Variants in ST8SIA5 observed in about 807,000 individuals in gnomAD.
ST8SIA5 encodes the protein alpha-2,8-sialyltransferase 8E.
Under a neutral mutation model 40.2 loss-of-function variants are expected in ST8SIA5, and 24 were observed. That is an observed-to-expected ratio of 0.60 (90% CI 0.43 to 0.84). The LOEUF (loss-of-function observed/expected upper bound fraction) is 0.84, where lower values mean the gene tolerates loss of function less well. Among genes scored for constraint, ST8SIA5 ranks in the 40% least tolerant of loss-of-function variants. The pLI is 0.00. For missense variants in ST8SIA5, 465 were observed against 498.5 expected (o/e 0.93, Z 0.64); for synonymous variants, 198 against 201.8 (o/e 0.98, Z 0.16).
chr18:46,694,765 C>A (rs1355382394), intron 2 of ST8SIA5, among the ~76,000 whole-genome samples: 1 of 152,004 alleles, frequency 6.6e-6, no homozygotes, highest in African/African-American at 2.4e-5. Context: ...AAATCCATGT[C>A]TATCCACCCA....
chr18:46,714,726 G>A (rs1016874811), intron 1 of ST8SIA5, among the ~76,000 whole-genome samples: 6 of 152,172 alleles, frequency 3.9e-5, no homozygotes, highest in South Asian at 2.1e-4. Context: ...GAGCCCTATG[G>A]GGACCTGTGA....
chr18:46,703,956 G>GT (rs2039643754), intron 2 of ST8SIA5, among the ~76,000 whole-genome samples: 2 of 152,156 alleles, frequency 1.3e-5, no homozygotes, highest in Non-Finnish European at 2.9e-5. Flanking sequence ...TAAGTGGGGA[G>GT]TGGGGAGCAC....
At chr18:46,707,728 T>G (rs1345617108) in intron 1 of ST8SIA5, among the ~76,000 whole-genome samples, 2 of 152,200 alleles carry the variant, frequency 1.3e-5, no homozygotes, top group African/African-American at 2.4e-5. Context: ...GTGGGGCCAC[T>G]GGGAGGTACT....
chr18:46,694,641 A>T (rs982923679), intron 2 of ST8SIA5, among the ~76,000 whole-genome samples: 2 of 152,072 alleles, frequency 1.3e-5, no homozygotes, highest in Non-Finnish European at 2.9e-5. Context: ...TGGGAAAGTG[A>T]CCAGCCTTCA....
At chr18:46,742,957 A>G (rs959439711) in intron 1 of ST8SIA5, among the ~76,000 whole-genome samples, 3 of 152,222 alleles carry the variant, frequency 2.0e-5, no homozygotes, top group African/African-American at 7.2e-5. Context: ...AGGAAACTCC[A>G]ATAGACCTGC....
intron 1 of ST8SIA5, among the ~76,000 whole-genome samples, chr18:46,708,199 A>G (rs939859722): frequency 6.6e-6 from 1 of 152,162 alleles, no homozygotes; most frequent in African/African-American, 2.4e-5. Context: ...AGTCCCAGGG[A>G]GTCAGAGACA....
chr18:46,718,970 G>C (rs926133837), intron 1 of ST8SIA5, among the ~76,000 whole-genome samples: 4 of 152,058 alleles, frequency 2.6e-5, no homozygotes, highest in Non-Finnish European at 4.4e-5. Context: ...CACACGCCAG[G>C]GTAAAAACTC....
chr18:46,719,682 T>TTTTCTTTCTTTCTTTCTTTCTTTCTTTC (rs56825204), intron 1 of ST8SIA5, among the ~76,000 whole-genome samples: 15,878 of 106,978 alleles, frequency 0.15, 2,174 homozygotes, highest in East Asian at 0.25. Flanking sequence ...TTCTTTTCTT[T>TTTTCTTTCTTTCTTTCTTTCTTTCTTTC]TTTCTTTCTT....
chr18:46,729,072 C>G (rs1032741597), intron 1 of ST8SIA5, among the ~76,000 whole-genome samples: 1 of 152,176 alleles, frequency 6.6e-6, no homozygotes, highest in South Asian at 2.1e-4. Context: ...CCCCACCTGC[C>G]TCAATGTCCC....
chr18:46,703,699 T>G (rs1040323837), intron 2 of ST8SIA5, among the ~76,000 whole-genome samples: 5 of 152,164 alleles, frequency 3.3e-5, no homozygotes, highest in Admixed American at 3.3e-4. Flanking sequence ...GATGAGTCCA[T>G]CTGAGCACCC....
chr18:46,694,115 C>A (rs968835048), intron 2 of ST8SIA5, among the ~76,000 whole-genome samples: 2 of 152,216 alleles, frequency 1.3e-5, no homozygotes. Context: ...GGAAGCTCCT[C>A]AAGCCAGGCC....
chr18:46,729,820 G>A (rs2039969066), intron 1 of ST8SIA5, among the ~76,000 whole-genome samples: 1 of 151,752 alleles, frequency 6.6e-6, no homozygotes, highest in South Asian at 2.1e-4. Flanking sequence ...TGACAGTCCG[G>A]TTTTAACTGT....
chr18:46,681,748 T>C (rs1336910565), intron 6 of ST8SIA5, among the ~76,000 whole-genome samples: 1 of 152,256 alleles, frequency 6.6e-6, no homozygotes, highest in East Asian at 1.9e-4. Context: ...TATATTTTCT[T>C]TAACCCACTA....
intron 1 of ST8SIA5, among the ~76,000 whole-genome samples, chr18:46,719,064 C>T (rs1046853181): frequency 3.3e-5 from 5 of 152,120 alleles, no homozygotes; most frequent in South Asian, 2.1e-4. Flanking sequence ...GGGGGTACTT[C>T]GGGGTCAACT....
At position 46,679,989 on chromosome 18, in the gene ST8SIA5, G is replaced by A. The variant is rs2039370310; in HGVS notation, c.*53C>T. On this transcript the variant is annotated 3_prime_UTR_variant, in exon 7 of 7. Coordinates refer to ENST00000315087, the MANE Select transcript of ST8SIA5 (RefSeq NM_013305.6). Reference sequence around the variant, plus strand: ...GGTTCGGGGCTCCCAGTTCCACCAGGAGGGACAGCAGGAGAGGGGGCGCCG... The same window carrying A: ...GGTTCGGGGCTCCCAGTTCCACCAGAAGGGACAGCAGGAGAGGGGGCGCCG... 7.8e-6 allele frequency: 12 copies of A among 1,538,240 alleles called. No individual in the cohort carries two copies. Among genetic ancestry groups the A allele is most frequent in the Non-Finnish European group, 1.1e-5 (12 of 1,138,580 alleles).
In ST8SIA5 at chr18:46,679,861, A is replaced by T. The variant is rs936693894; in HGVS notation, c.*181T>A. 8 of 660,438 alleles carry T rather than the reference A, an allele frequency of 1.2e-5. No homozygotes were observed. Among genetic ancestry groups the T allele is most frequent in the Non-Finnish European group, 1.5e-5 (6 of 393,448 alleles). 40.9% of individuals were successfully genotyped at this position (660,438 alleles called of 1,614,324 possible). On this transcript the variant is annotated 3_prime_UTR_variant, in exon 7 of 7. Transcript: ENST00000315087. Reference sequence around the variant, plus strand: ...GGCCAGGAGGCTCAGCACAGAGCTGACTCTGCCCCGGTTCCTAACCCTGCC... The same window carrying T: ...GGCCAGGAGGCTCAGCACAGAGCTGTCTCTGCCCCGGTTCCTAACCCTGCC...
chr18:46,708,787 G>A (rs758727420), intron 1 of ST8SIA5, among the ~76,000 whole-genome samples: 1 of 152,166 alleles, frequency 6.6e-6, no homozygotes, highest in Non-Finnish European at 1.5e-5. Flanking sequence ...TGATCTGGGT[G>A]CTTCTTCCCA....
Position 46,749,863 on chromosome 18 carries a change from G to A in ST8SIA5, c.131+6515C>T, listed in dbSNP as rs571821100. On this transcript the variant is annotated intron_variant, in intron 1 of 6. Transcript: ENST00000315087. ...GGGGATGATTAGGTCAGAGAGTGGA[G>A]CAGTCACAAATGGGATTGGTGCCCA... 2.9e-3 allele frequency among the ~76,000 whole-genome samples: 436 copies of A among 152,260 alleles called. 3 individuals are homozygous for A. The highest frequency in any genetic ancestry group is 4.2e-3 in the Non-Finnish European group (285 of 68,008).
intron 4 of ST8SIA5, among the ~76,000 whole-genome samples, chr18:46,687,592 A>G (rs2039460390): frequency 6.6e-6 from 1 of 152,124 alleles, no homozygotes; most frequent in Non-Finnish European, 1.5e-5. Flanking sequence ...GCTCAGCACC[A>G]TCCTCCCTTA....
Sources: allele counts gnomAD v4.1 joint callset (sites outside exome capture counted in the v4.1 genomes callset), GRCh38; gene constraint gnomAD v4.1.1; transcripts MANE v1.5; gene names NCBI Gene and HGNC (gene_info 2026-07-23, HGNC 2026-07-21).